CPLX2: variants seen among roughly 807,000 people sequenced by gnomAD.
CPLX2 encodes the protein complexin-2.
A neutral mutation model predicts 16.3 loss-of-function variants in CPLX2; 5 were observed. The observed-to-expected ratio is 0.31, with a 90% confidence interval of 0.16 to 0.64. The LOEUF is 0.64. Ranked by LOEUF, CPLX2 falls within the 30% of genes least tolerant of loss-of-function variation. CPLX2 has a pLI of 0.79. For synonymous variants in CPLX2, 89 were observed against 73.2 expected, an observed-to-expected ratio of 1.22 and a Z score of -1.10; for missense variants, 144 against 181.4, an observed-to-expected ratio of 0.79 and a Z score of 1.18.
intron 2 of CPLX2, among the ~76,000 whole-genome samples, chr5:175,819,161 T>C (rs965706641): frequency 2.0e-5 from 3 of 152,152 alleles, no homozygotes; most frequent in African/African-American, 7.2e-5. Flanking sequence ...GCCACTTGGG[T>C]TGTTTTCAGC....
intron 2 of CPLX2, among the ~76,000 whole-genome samples, chr5:175,864,209 G>A (rs1394316320): frequency 6.6e-6 from 1 of 152,196 alleles, no homozygotes; most frequent in African/African-American, 2.4e-5. Flanking sequence ...CACAGTCTCA[G>A]GGAAAAGCCA....
intron 2 of CPLX2, among the ~76,000 whole-genome samples, chr5:175,851,291 A>C (rs1244737203): frequency 1.3e-5 from 2 of 152,152 alleles, no homozygotes; most frequent in Non-Finnish European, 2.9e-5. Flanking sequence ...TGTCAGGTCC[A>C]GTTGGGGCCA....
intron 1 of CPLX2, among the ~76,000 whole-genome samples, chr5:175,800,416 C>T (rs1474289871): frequency 2.0e-5 from 3 of 151,510 alleles, no homozygotes; most frequent in South Asian, 4.2e-4. Context: ...ACCCAGGAGG[C>T]GAAGGGTGCA....
At chr5:175,867,978 A>AC (rs1759510010), upstream of CPLX2, among the ~76,000 whole-genome samples, 1 of 151,996 alleles carries the variant, frequency 6.6e-6, no homozygotes, top group Non-Finnish European at 1.5e-5. Context: ...TCTGTGTACC[A>AC]CCCCCGCAGT....
At chr5:175,855,804 C>T (rs1371418529) in intron 2 of CPLX2, among the ~76,000 whole-genome samples, 1 of 152,136 alleles carries the variant, frequency 6.6e-6, no homozygotes, top group African/African-American at 2.4e-5. Context: ...ATCTCTAGAG[C>T]TTGAGGGAAA....
intron 2 of CPLX2, among the ~76,000 whole-genome samples, chr5:175,857,110 T>C (rs945291869): frequency 6.6e-6 from 1 of 152,208 alleles, no homozygotes; most frequent in Non-Finnish European, 1.5e-5. Flanking sequence ...CTAGGGCTGA[T>C]GAGGTCCCAA....
Position 175,880,783 on chromosome 5 carries a change from C to G in CPLX2, c.*738C>G, listed in dbSNP as rs1001725353. 6.5e-6 allele frequency: 1 copy of G among 153,054 alleles called. No individual in the cohort carries two copies. Among genetic ancestry groups the G allele is most frequent in the African/African-American group, 2.4e-5 (1 of 41,474 alleles). The allele number at this position is 153,054 out of a possible 1,614,324, so 9.5% of individuals were successfully genotyped here. On this transcript the variant is annotated 3_prime_UTR_variant, in exon 4 of 4. Transcript: ENST00000393745. ...ACCCCACTTAGGTCCTGGGCCCCCACTGCCAGGCTGGGCCCAGCTTGCTCA... is the reference window on the plus strand; with the variant it reads ...ACCCCACTTAGGTCCTGGGCCCCCAGTGCCAGGCTGGGCCCAGCTTGCTCA...
At position 175,838,514 on chromosome 5, in the gene CPLX2, C is replaced by T. The variant is rs189620022; in HGVS notation, c.-89+29446C>T. ...CGATCTCCTGACCTCGTGATCCAAC[C>T]GCCTCGGCCTCCCAAAAGTGCGCGT... On this transcript the variant is annotated intron_variant, in intron 2 of 4. Transcript: ENST00000359546. Among the ~76,000 whole-genome samples, 50 of 152,076 alleles carry T rather than the reference C, an allele frequency of 3.3e-4. No individual in the cohort carries two copies. In the East Asian group the frequency reaches 9.1e-3, roughly 28 times the overall value.
At chr5:175,807,874 C>G (rs372602051) in intron 1 of CPLX2, among the ~76,000 whole-genome samples, 2 of 152,144 alleles carry the variant, frequency 1.3e-5, no homozygotes, top group African/African-American at 2.4e-5. Flanking sequence ...TGGGCTGATC[C>G]CTGTGGGAAT....
intron 2 of CPLX2, among the ~76,000 whole-genome samples, chr5:175,836,313 G>A (rs1176981527): frequency 6.6e-6 from 1 of 152,162 alleles, no homozygotes; most frequent in Non-Finnish European, 1.5e-5. Flanking sequence ...TCGTGCCACT[G>A]CACTCCAGCC....
intron 2 of CPLX2, among the ~76,000 whole-genome samples, chr5:175,851,058 C>T (rs923406847): frequency 1.3e-5 from 2 of 151,832 alleles, no homozygotes; most frequent in Non-Finnish European, 2.9e-5. Context: ...ATGGTAGAGC[C>T]GCTGCCTGAG....
intron 1 of CPLX2, among the ~76,000 whole-genome samples, chr5:175,873,983 G>A (rs533822262): frequency 3.6e-4 from 55 of 152,332 alleles, no homozygotes; most frequent in Non-Finnish European, 6.6e-4. Context: ...GAAATAATAC[G>A]TGCTAAGCAG....
At chr5:175,825,937 CAAAAAAA>C (rs35250246) in intron 2 of CPLX2, among the ~76,000 whole-genome samples, 2 of 44,420 alleles carry the variant, frequency 4.5e-5, no homozygotes, top group Non-Finnish European at 7.7e-5. Flanking sequence ...TGAATAAGTG[CAAAAAAA>C]AAAAAAAAAA....
intron 2 of CPLX2, among the ~76,000 whole-genome samples, chr5:175,832,065 C>T (rs1057132528): frequency 6.6e-6 from 1 of 152,216 alleles, no homozygotes; most frequent in East Asian, 1.9e-4. Flanking sequence ...TTTCCACCAT[C>T]TGGGATTTAT....
intron 2 of CPLX2, among the ~76,000 whole-genome samples, chr5:175,826,883 G>A (rs1201024171): frequency 1.3e-5 from 2 of 152,156 alleles, no homozygotes; most frequent in Non-Finnish European, 2.9e-5. Context: ...AGCAAAAGGG[G>A]GAATGTGTTT....
upstream of CPLX2, among the ~76,000 whole-genome samples, chr5:175,867,619 G>T (rs1225577100): frequency 6.6e-6 from 1 of 151,956 alleles, no homozygotes; most frequent in Non-Finnish European, 1.5e-5. Context: ...CCCCACGTAG[G>T]TCTATACCAT....
intron 2 of CPLX2, among the ~76,000 whole-genome samples, chr5:175,820,000 TCCTTCCC>T (rs1278146250): frequency 6.6e-6 from 1 of 152,132 alleles, no homozygotes; most frequent in Non-Finnish European, 1.5e-5. Flanking sequence ...TCTCTCCCCT[TCCTTCCC>T]CTCTCTCTGC....
intron 2 of CPLX2, among the ~76,000 whole-genome samples, chr5:175,835,664 TTAAG>T (rs1190948314): frequency 6.6e-6 from 1 of 152,004 alleles, no homozygotes; most frequent in African/African-American, 2.4e-5. Context: ...AATTATTTAT[TTAAG>T]TGAGTTAGTA....
At chr5:175,835,777 C>T (rs1420382463) in intron 2 of CPLX2, among the ~76,000 whole-genome samples, 4 of 131,758 alleles carry the variant, frequency 3.0e-5, no homozygotes, top group Non-Finnish European at 6.2e-5. Context: ...CTCGCTCTGT[C>T]GCCCAGGCTG....
Sources: allele counts gnomAD v4.1 joint callset (sites outside exome capture counted in the v4.1 genomes callset), GRCh38; gene constraint gnomAD v4.1.1; transcripts MANE v1.5; gene names NCBI Gene and HGNC (gene_info 2026-07-23, HGNC 2026-07-21).